LARGE1: variants seen among roughly 807,000 people sequenced by gnomAD.
The protein encoded by LARGE1 is xylosyl- and glucuronyltransferase LARGE1.
Under a neutral mutation model 87.6 loss-of-function variants are expected in LARGE1, and 43 were observed. The observed-to-expected ratio is 0.49, with a 90% CI of 0.38 to 0.63. The LOEUF (loss-of-function observed/expected upper bound fraction) is 0.63. Ranked by LOEUF, LARGE1 falls within the 30% of genes least tolerant of loss-of-function variation. The probability of loss-of-function intolerance (pLI) is 0.00; values close to 1 mark genes in which losing one functional copy is unlikely to be tolerated. For missense variants in LARGE1, 802 were observed against 1,000.2 expected (o/e 0.80, Z 2.67); for synonymous variants, 434 against 394.6 (o/e 1.10, Z -1.18).
In LARGE1 at chr22:33,650,664, T is replaced by G; in HGVS notation, c.111A>C (p.Gly37=). 6.2e-7 allele frequency: 1 copy of G among 1,600,208 alleles called. No homozygotes were observed. The stretch of plus-strand genomic sequence containing the variant: ...CCAGCGGTGACAGAGACACGGGCTT[T>G]CCATCTGGGGAGCGAAACACCAGGG... ...IYLFSGSFED[G]KPVSLSPLES... is the part of the protein sequence containing the mutation. Residue 37 remains glycine, a synonymous_variant, in exon 3 of 15, where the codon GGA becomes GGC. Transcript: ENST00000397394.
intron 6 of LARGE1, among the ~76,000 whole-genome samples, chr22:33,543,972 C>G (rs1401172085): frequency 6.6e-6 from 1 of 152,238 alleles, no homozygotes; most frequent in Non-Finnish European, 1.5e-5. Flanking sequence ...ACCTGCTTTC[C>G]TTCTGGGAGT....
intron 11 of LARGE1, among the ~76,000 whole-genome samples, chr22:33,309,566 G>A (rs1002324820): frequency 4.6e-5 from 7 of 152,160 alleles, no homozygotes; most frequent in African/African-American, 1.4e-4. Context: ...GTGCCCCCTC[G>A]CCAGACACCA....
At chr22:33,251,975 G>A (rs193117098) in intron 11 of LARGE1, among the ~76,000 whole-genome samples, 20 of 152,276 alleles carry the variant, frequency 1.3e-4, no homozygotes, top group African/African-American at 4.3e-4. Flanking sequence ...GCTTGCTGAA[G>A]TCTAAATGCA....
intron 6 of LARGE1, among the ~76,000 whole-genome samples, chr22:33,549,953 T>C (rs568246776): frequency 6.6e-6 from 1 of 152,156 alleles, no homozygotes; most frequent in Non-Finnish European, 1.5e-5. Context: ...GGCTGCATAG[T>C]ATTCCATGGT....
chr22:33,181,827 CTTT>C (rs56347007), intron 11 of LARGE1, among the ~76,000 whole-genome samples: 78 of 128,468 alleles, frequency 6.1e-4, no homozygotes, highest in Admixed American at 3.1e-3. Context: ...TATGCCTGGC[CTTT>C]TTTTTTTTTT....
At chr22:33,413,154 A>C (rs1005838542) in intron 7 of LARGE1, among the ~76,000 whole-genome samples, 15 of 152,208 alleles carry the variant, frequency 9.9e-5, no homozygotes, top group Admixed American at 7.2e-4. Context: ...ATAAAAAAAA[A>C]ATCCTATCCT....
At chr22:33,814,972 T>C (rs1231727735) in intron 1 of LARGE1, among the ~76,000 whole-genome samples, 2 of 152,192 alleles carry the variant, frequency 1.3e-5, no homozygotes, top group African/African-American at 2.4e-5. Flanking sequence ...GGCCATAATT[T>C]AGACTCATAT....
chr22:33,914,026 G>C (rs2065713597), intron 1 of LARGE1, among the ~76,000 whole-genome samples: 1 of 152,144 alleles, frequency 6.6e-6, no homozygotes, highest in Non-Finnish European at 1.5e-5. Context: ...AAATTATTTA[G>C]TTTTAAGATC....
chr22:33,835,277 C>T (rs546749949), intron 1 of LARGE1, among the ~76,000 whole-genome samples: 1 of 152,196 alleles, frequency 6.6e-6, no homozygotes, highest in East Asian at 1.9e-4. Context: ...TACAATTCTA[C>T]ACTTTGGAGT....
chr22:33,432,016 C>T lies in LARGE1; in HGVS notation c.892+145G>A, dbSNP rs908731635. The T allele has an allele frequency of 4.2e-6, 3 of 712,192 alleles. No homozygotes were observed. In the African/African-American group the frequency reaches 5.2e-5, roughly 12 times the overall value. The allele number at this position is 712,192 out of a possible 1,614,324, so 44.1% of individuals were successfully genotyped here. The stretch of plus-strand genomic sequence containing the variant: ...ATAGCACCAAGAAGGAACTGGAATG[C>T]AAACTGCCCACAAACCATCCACCAC... On this transcript the variant is annotated intron_variant, in intron 7 of 14. Transcript: ENST00000397394.
chr22:33,544,752 C>G (rs1350077305), intron 6 of LARGE1, among the ~76,000 whole-genome samples: 1 of 151,918 alleles, frequency 6.6e-6, no homozygotes, highest in South Asian at 2.1e-4. Flanking sequence ...AAAGCCTTGG[C>G]GTAATGCTTA....
chr22:33,632,046 T>C (rs191596868), intron 3 of LARGE1, among the ~76,000 whole-genome samples: 4 of 152,322 alleles, frequency 2.6e-5, no homozygotes, highest in Admixed American at 1.3e-4. Flanking sequence ...AGATGGAGGA[T>C]GGAATGATGT....
rs990350341 is a variant in LARGE1 at position 33,277,003 on chromosome 22, T to C, written c.2073+57A>G. On this transcript the variant is annotated intron_variant, in intron 14 of 14. Coordinates refer to ENST00000397394, the MANE Select transcript of LARGE1 (RefSeq NM_133642.5). ...TTGTCTCCAAGGATCCCTTAAGCTC[T>C]AGGATCTAGGCCTCTCCCCCGTCGA... 4.5e-5 allele frequency: 69 copies of C among 1,534,730 alleles called. No individual in the cohort carries two copies. In the African/African-American group the frequency reaches 8.6e-4, roughly 19 times the overall value.
At chr22:33,107,054 C>A in the LARGE1 span, among the ~76,000 whole-genome samples, 1 of 152,122 alleles carries the variant, frequency 6.6e-6, no homozygotes, top group Admixed American at 6.5e-5. Context: ...GTGATGGGGG[C>A]CACTTAACTG....
intron 1 of LARGE1, among the ~76,000 whole-genome samples, chr22:33,918,425 G>A (rs1034032291): frequency 6.6e-6 from 1 of 152,162 alleles, no homozygotes; most frequent in Admixed American, 6.5e-5. Flanking sequence ...TTGCCTCTCT[G>A]TTCGAGTGAG....
At chr22:33,727,616 T>G (rs1362962734) in intron 2 of LARGE1, 1 of 152,178 alleles carries the variant, frequency 6.6e-6, no homozygotes. Context: ...CACATTTGCT[T>G]GAGGAAGAAT....
At chr22:33,698,403 C>T (rs922558858) in intron 2 of LARGE1, among the ~76,000 whole-genome samples, 18 of 146,464 alleles carry the variant, frequency 1.2e-4, no homozygotes, top group African/African-American at 4.1e-4. Flanking sequence ...AAGTTTCAAG[C>T]GATTCTCTTG....
intron 3 of LARGE1, among the ~76,000 whole-genome samples, chr22:33,649,208 C>G (rs1203515047): frequency 1.3e-5 from 2 of 152,200 alleles, no homozygotes; most frequent in Non-Finnish European, 2.9e-5. Context: ...TTGTCCTCCT[C>G]CCTCACCACT....
chr22:33,269,285 A>G (rs1404021064), downstream of LARGE1, among the ~76,000 whole-genome samples: 1 of 152,240 alleles, frequency 6.6e-6, no homozygotes, highest in Non-Finnish European at 1.5e-5. Flanking sequence ...AGTTTCAAAA[A>G]TAAATGAAAC....
Sources: allele counts gnomAD v4.1 joint callset (sites outside exome capture counted in the v4.1 genomes callset), GRCh38; gene constraint gnomAD v4.1.1; transcripts MANE v1.5; gene names NCBI Gene and HGNC (gene_info 2026-07-23, HGNC 2026-07-21).